The following CDH13 variants were observed in gnomAD, a reference collection of about 807,000 sequenced individuals.
CDH13 encodes cadherin 13.
Under a neutral mutation model 63.8 loss-of-function variants are expected in CDH13, and 24 were observed. The observed-to-expected ratio is 0.38, with a 90% CI of 0.27 to 0.53. The LOEUF is 0.53. Ranked by LOEUF, CDH13 falls within the 20% of genes least tolerant of loss-of-function variation. CDH13 has a pLI of 0.85. For missense variants in CDH13, 1,049 were observed against 903.1 expected (o/e 1.16, Z -2.07); for synonymous variants, 503 against 355.3 (o/e 1.42, Z -4.67).
At chr16:83,750,290 C>T (rs1042178381) in intron 11 of CDH13, among the ~76,000 whole-genome samples, 1 of 151,658 alleles carries the variant, frequency 6.6e-6, no homozygotes, top group African/African-American at 2.4e-5. Context: ...AGTGAGACTC[C>T]ATCTCAAAAA....
rs533877200 is a variant in CDH13, at chr16:83,251,983, G to A, written c.636+34486G>A. 1.3e-4 allele frequency among the ~76,000 whole-genome samples: 19 copies of A among 151,796 alleles called. 1 individual carries two copies. In the South Asian group the frequency reaches 4.0e-3, roughly 32 times the overall value. The stretch of plus-strand genomic sequence containing the variant: ...ACAAAGACCCTTATAGGTCAGCAGT[G>A]TCCTGTATTGACTGATCCCCGGGAT... On this transcript the variant is annotated intron_variant, in intron 5 of 13. Coordinates refer to ENST00000567109, the MANE Select transcript of CDH13 (RefSeq NM_001257.5).
rs531743900 is a variant in CDH13, at chr16:82,691,912, C to T, written c.45+64775C>T. Among the ~76,000 whole-genome samples, 12 of 152,174 alleles carry T rather than the reference C, an allele frequency of 7.9e-5. No homozygotes were observed. The South Asian group carries it at 2.5e-3, about 32-fold the overall frequency. On this transcript the variant is annotated intron_variant, in intron 1 of 13. Transcript: ENST00000567109. Reference sequence around the variant, plus strand: ...ACCGAGACCTCATGAATCAGAAAAGCTGCCAGCAACCTGTATTTTCACAAG... The same window carrying T: ...ACCGAGACCTCATGAATCAGAAAAGTTGCCAGCAACCTGTATTTTCACAAG...
chr16:83,629,730 A>G (rs1008287422), intron 8 of CDH13, among the ~76,000 whole-genome samples: 3 of 152,198 alleles, frequency 2.0e-5, no homozygotes, highest in African/African-American at 7.2e-5. Context: ...TCCTCGACAC[A>G]ATTTAAATCC....
intron 3 of CDH13, among the ~76,000 whole-genome samples, chr16:83,067,373 G>T (rs558344657): frequency 6.6e-6 from 1 of 152,120 alleles, no homozygotes; most frequent in Admixed American, 6.5e-5. Flanking sequence ...ATCCCTTTGA[G>T]CCATAGTTTC....
At chr16:83,056,553 A>C (rs774954382) in intron 3 of CDH13, among the ~76,000 whole-genome samples, 8 of 152,200 alleles carry the variant, frequency 5.3e-5, no homozygotes, top group Non-Finnish European at 1.2e-4. Context: ...TAGGGAAGGG[A>C]ATATCCTATG....
At position 83,727,910 on chromosome 16, in the gene CDH13, C is replaced by A. The variant is rs114324910; in HGVS notation, c.1539-20198C>A. 3.7e-3 allele frequency among the ~76,000 whole-genome samples: 566 copies of A among 152,236 alleles called. 4 individuals carry two copies. The highest frequency in any genetic ancestry group is 0.013 in the African/African-American group (552 of 41,552). On this transcript the variant is annotated intron_variant, in intron 10 of 13. Coordinates refer to ENST00000567109, the MANE Select transcript of CDH13 (RefSeq NM_001257.5). ...CTAATGGGCTCGCTTCTCAAAGGAG[C>A]TTTTGGGATTCAAGGGTTTAAGTAT...
intron 2 of CDH13, among the ~76,000 whole-genome samples, chr16:82,947,344 C>T (rs1393514740): frequency 1.3e-5 from 2 of 151,956 alleles, no homozygotes; most frequent in East Asian, 1.9e-4. Flanking sequence ...CAGGAGGTGA[C>T]GGTCAAGAGT....
At chr16:83,074,804 T>C (rs956230880) in intron 3 of CDH13, among the ~76,000 whole-genome samples, 9 of 152,224 alleles carry the variant, frequency 5.9e-5, no homozygotes, top group Admixed American at 1.3e-4. Flanking sequence ...AGTGAGTTCC[T>C]GATAAATAGT....
At chr16:83,249,068 T>C (rs191661642) in intron 5 of CDH13, among the ~76,000 whole-genome samples, 1 of 152,210 alleles carries the variant, frequency 6.6e-6, no homozygotes, top group Non-Finnish European at 1.5e-5. Context: ...AGAAATAACT[T>C]TGAGTAGAGC....
chr16:83,264,282 G>T (rs1224156247), intron 5 of CDH13, among the ~76,000 whole-genome samples: 1 of 152,014 alleles, frequency 6.6e-6, no homozygotes, highest in Admixed American at 6.6e-5. Flanking sequence ...ACTTTCTGTT[G>T]GATCACACTG....
At chr16:82,848,837 G>T (rs1372747772) in intron 1 of CDH13, among the ~76,000 whole-genome samples, 1 of 152,196 alleles carries the variant, frequency 6.6e-6, no homozygotes, top group Non-Finnish European at 1.5e-5. Context: ...ACCTAGAAAT[G>T]ATTAAGCTAA....
At chr16:83,312,066 CA>C (rs5818437) in intron 5 of CDH13, among the ~76,000 whole-genome samples, 3,156 of 94,904 alleles carry the variant, frequency 0.033, 71 homozygotes, top group African/African-American at 0.084. Flanking sequence ...AACTCCATCT[CA>C]AAAAAAAAAA....
At chr16:83,562,313 G>C (rs2075723352) in intron 7 of CDH13, among the ~76,000 whole-genome samples, 2 of 152,128 alleles carry the variant, frequency 1.3e-5, no homozygotes. Context: ...TGTCAGCAGA[G>C]TTCAGCTCTA....
intron 8 of CDH13, among the ~76,000 whole-genome samples, chr16:83,664,078 G>A (rs931267548): frequency 5.9e-5 from 9 of 151,978 alleles, no homozygotes; most frequent in Admixed American, 2.0e-4. Context: ...GATCACTTGA[G>A]CCTAAGAAGT....
chr16:82,884,863 A>T (rs2040827657), intron 2 of CDH13, among the ~76,000 whole-genome samples: 1 of 152,210 alleles, frequency 6.6e-6, no homozygotes, highest in Non-Finnish European at 1.5e-5. Context: ...CGTAAAGACA[A>T]AGCTGTGGGG....
chr16:83,699,722 C>T lies in CDH13; in HGVS notation c.1538+21261C>T, dbSNP rs571024861. 1.2e-4 allele frequency among the ~76,000 whole-genome samples: 19 copies of T among 152,298 alleles called. No homozygotes were observed. In the East Asian group the frequency reaches 3.5e-3, roughly 28 times the overall value. Reference sequence around the variant, plus strand: ...CTAACTCACTGAGGATGTTTAGAGGCATGGAAAGGGCAGTTACATCACATC... The same window carrying T: ...CTAACTCACTGAGGATGTTTAGAGGTATGGAAAGGGCAGTTACATCACATC... On this transcript the variant is annotated intron_variant, in intron 10 of 13. Coordinates refer to ENST00000567109, the MANE Select transcript of CDH13 (RefSeq NM_001257.5).
At chr16:83,468,934 C>G (rs1265742992) in intron 6 of CDH13, among the ~76,000 whole-genome samples, 8 of 152,198 alleles carry the variant, frequency 5.3e-5, no homozygotes, top group Non-Finnish European at 1.0e-4. Context: ...CCAGCTGATT[C>G]TTTCTTCCAT....
At chr16:83,321,345 C>G (rs933473813) in intron 5 of CDH13, among the ~76,000 whole-genome samples, 1 of 152,160 alleles carries the variant, frequency 6.6e-6, no homozygotes, top group African/African-American at 2.4e-5. Flanking sequence ...AGTATCACAG[C>G]AAGTTGATCA....
At chr16:83,150,928 G>A (rs2036953144) in intron 4 of CDH13, among the ~76,000 whole-genome samples, 1 of 152,046 alleles carries the variant, frequency 6.6e-6, no homozygotes. Context: ...TTTATTATCT[G>A]CCTCTGTCCC....
Sources: allele counts gnomAD v4.1 joint callset (sites outside exome capture counted in the v4.1 genomes callset), GRCh38; gene constraint gnomAD v4.1.1; transcripts MANE v1.5; gene names NCBI Gene and HGNC (gene_info 2026-07-23, HGNC 2026-07-21).